The following ATXN1 variants were observed in gnomAD, a reference collection of about 807,000 sequenced individuals.
The protein encoded by ATXN1 is ataxin-1.
In ATXN1, 8 loss-of-function variants were observed where a neutral mutation model predicts 56.4. The ratio of observed to expected loss-of-function variants is 0.14; its 90% CI spans 0.08 to 0.26. The LOEUF (loss-of-function observed/expected upper bound fraction) is 0.26. ATXN1 is among the 10% of genes least tolerant of loss of function. The pLI, the probability that ATXN1 is intolerant of heterozygous loss-of-function variation, is 1.00. For missense variants in ATXN1, 987 were observed against 1,106.5 expected, an observed-to-expected ratio of 0.89 and a Z score of 1.53; for synonymous variants, 514 against 494.6, an observed-to-expected ratio of 1.04 and a Z score of -0.52.
intron 4 of ATXN1, among the ~76,000 whole-genome samples, chr6:16,565,364 A>G (rs1005982771): frequency 1.3e-5 from 2 of 152,160 alleles, no homozygotes; most frequent in African/African-American, 4.8e-5. Context: ...ATTACTGAAA[A>G]ATCATTCCCC....
chr6:16,761,074 A>ACACACACACACACG (rs1761083169), intron 1 of ATXN1: 1 of 354,010 alleles, frequency 2.8e-6, no homozygotes, highest in Admixed American at 3.8e-5. Flanking sequence ...ATACACACAC[A>ACACACACACACACG]CACACACACA....
At chr6:16,638,163 G>A (rs948380804) in intron 3 of ATXN1, among the ~76,000 whole-genome samples, 1 of 152,018 alleles carries the variant, frequency 6.6e-6, no homozygotes, top group South Asian at 2.1e-4. Context: ...AGATCTCAAA[G>A]GCCAGCCATG....
chr6:16,449,058 T>C (rs943011807), intron 6 of ATXN1, among the ~76,000 whole-genome samples: 49 of 152,206 alleles, frequency 3.2e-4, no homozygotes, highest in African/African-American at 1.2e-3. Flanking sequence ...CTGCCAGGCT[T>C]GTGTAGATCT....
intron 3 of ATXN1, among the ~76,000 whole-genome samples, chr6:16,620,584 T>C (rs918513258): frequency 6.6e-6 from 1 of 152,130 alleles, no homozygotes; most frequent in African/African-American, 2.4e-5. Context: ...TTTAAGGAGA[T>C]CATCTGAGTT....
At chr6:16,547,311 C>A (rs533590545) in intron 4 of ATXN1, among the ~76,000 whole-genome samples, 30 of 152,282 alleles carry the variant, frequency 2.0e-4, no homozygotes, top group Admixed American at 1.4e-3. Flanking sequence ...CCATTCTAAA[C>A]CAACCCCAAA....
chr6:16,322,814 G>A (rs1754718048), intron 7 of ATXN1, among the ~76,000 whole-genome samples: 1 of 152,204 alleles, frequency 6.6e-6, no homozygotes, highest in African/African-American at 2.4e-5. Context: ...ACAGCTGGTG[G>A]AGTATTTTAG....
Position 16,463,375 on chromosome 6 carries a change from C to T in ATXN1, c.-161+22597G>A, listed in dbSNP as rs116690959. ...ATCAGTGCCCCTCAAAGCTCAGGTC[C>T]GTCAGTACAGGGCCATACAACTAAT... On this transcript the variant is annotated intron_variant, in intron 6 of 7. Transcript: ENST00000436367. Among the ~76,000 whole-genome samples the T allele has an allele frequency of 6.2e-3, 943 of 152,220 alleles. 5 individuals carry two copies. The highest frequency in any genetic ancestry group is 0.021 in the African/African-American group (889 of 41,530).
At chr6:16,560,361 G>A (rs73724900) in intron 4 of ATXN1, among the ~76,000 whole-genome samples, 170 of 129,966 alleles carry the variant, frequency 1.3e-3, no homozygotes, top group African/African-American at 4.7e-3. Flanking sequence ...ACGGGGAGGC[G>A]GAGGTTGCAG....
chr6:16,495,213 C>A (rs1359291246), intron 5 of ATXN1, among the ~76,000 whole-genome samples: 2 of 152,146 alleles, frequency 1.3e-5, no homozygotes, highest in Non-Finnish European at 2.9e-5. Flanking sequence ...CTATTTGCTC[C>A]TTTTTAATAA....
In ATXN1 at chr6:16,545,052, T is replaced by G. The variant is rs1021222573; in HGVS notation, c.-360-22364A>C. Among the ~76,000 whole-genome samples, 7 of 152,316 alleles carry G rather than the reference T, an allele frequency of 4.6e-5. No homozygotes were observed. The East Asian group carries it at 1.4e-3, about 29-fold the overall frequency. Reference sequence around the variant, plus strand: ...AGGAGTCTTCGCAAGGAAACCATTTTTCTAAGAGCATGGCAAATACGCATT... The same window carrying G: ...AGGAGTCTTCGCAAGGAAACCATTTGTCTAAGAGCATGGCAAATACGCATT... On this transcript the variant is annotated intron_variant, in intron 4 of 7. Coordinates refer to ENST00000436367, the MANE Select transcript of ATXN1 (RefSeq NM_001128164.2).
At position 16,760,347 on chromosome 6, in the gene ATXN1, G is replaced by C. The variant is rs1761045644; in HGVS notation, c.-730+951C>G. 6.6e-6 allele frequency among the ~76,000 whole-genome samples: 1 copy of C among 151,736 alleles called. No homozygotes were observed. ...AGGGCAGCGCCTGCCGCGGCTCCTC[G>C]TCTCCTGCCGCGGGTGCTGGCGGGG... On this transcript the variant is annotated intron_variant, in intron 1 of 7. Coordinates refer to ENST00000436367, the MANE Select transcript of ATXN1 (RefSeq NM_001128164.2). This position sits in a 1 kb window ranked among gnomAD's most constrained non-coding sequence, Gnocchi z 5.3.
chr6:16,716,010 C>T (rs966190609), intron 2 of ATXN1, among the ~76,000 whole-genome samples: 1 of 152,208 alleles, frequency 6.6e-6, no homozygotes, highest in Non-Finnish European at 1.5e-5. Flanking sequence ...TGAGACAGAG[C>T]TCAAACATCT....
intron 6 of ATXN1, among the ~76,000 whole-genome samples, chr6:16,421,192 C>T (rs1256916216): frequency 1.3e-5 from 2 of 152,168 alleles, no homozygotes; most frequent in Non-Finnish European, 2.9e-5. Flanking sequence ...ACAGTTGTTT[C>T]TGGCCTTCCT....
chr6:16,553,532 T>C (rs377387308), intron 4 of ATXN1, among the ~76,000 whole-genome samples: 3 of 152,336 alleles, frequency 2.0e-5, no homozygotes, highest in South Asian at 2.1e-4. Flanking sequence ...TAGTGCCATG[T>C]GGGTAGGGGC....
At chr6:16,757,223 T>C (rs910498648) in intron 1 of ATXN1, among the ~76,000 whole-genome samples, 1 of 152,206 alleles carries the variant, frequency 6.6e-6, no homozygotes, top group Non-Finnish European at 1.5e-5. Context: ...TTTGACAAAG[T>C]GTCACTTCTG....
chr6:16,753,836 G>C (rs17672487), intron 1 of ATXN1, among the ~76,000 whole-genome samples: 6,250 of 152,202 alleles, frequency 0.041, 237 homozygotes, highest in Admixed American at 0.1. Context: ...ATAGAAGAAA[G>C]GAAAAAATGC....
chr6:16,455,018 A>G (rs918927667), intron 6 of ATXN1, among the ~76,000 whole-genome samples: 1 of 152,204 alleles, frequency 6.6e-6, no homozygotes, highest in Admixed American at 6.5e-5. Context: ...GAGAGGATAT[A>G]TGAACTTGAG....
intron 6 of ATXN1, among the ~76,000 whole-genome samples, chr6:16,445,847 G>A (rs530632892): frequency 3.0e-4 from 45 of 149,832 alleles, no homozygotes; most frequent in Admixed American, 6.6e-5. Context: ...TACAAAGGAC[G>A]TGAACTCATC....
At chr6:16,705,336 T>A (rs1378651945) in intron 2 of ATXN1, among the ~76,000 whole-genome samples, 3 of 152,170 alleles carry the variant, frequency 2.0e-5, no homozygotes, top group Non-Finnish European at 4.4e-5. Flanking sequence ...AGACCCAAAC[T>A]GAATGATGGA....
Sources: allele counts gnomAD v4.1 joint callset (sites outside exome capture counted in the v4.1 genomes callset), GRCh38; gene constraint gnomAD v4.1.1; non-coding constraint Gnocchi (gnomAD v3.1); transcripts MANE v1.5; gene names NCBI Gene and HGNC (gene_info 2026-07-23, HGNC 2026-07-21).